Variants in ZNF366 observed in about 807,000 individuals in gnomAD.
The protein encoded by ZNF366 is dendritic cell-specific transcript protein.
Under a neutral mutation model 47.2 loss-of-function variants are expected in ZNF366, and 20 were observed. The observed-to-expected ratio is 0.42, with a 90% CI of 0.30 to 0.62. The LOEUF (loss-of-function observed/expected upper bound fraction) is 0.62, where lower values mean the gene tolerates loss of function less well. Ranked by LOEUF, ZNF366 falls within the 20% of genes least tolerant of loss-of-function variation. The pLI is 0.16. For synonymous variants in ZNF366, 421 were observed against 395.1 expected (o/e 1.07, Z -0.78); for missense variants, 987 against 976.3 (o/e 1.01, Z -0.15).
intron 1 of ZNF366, among the ~76,000 whole-genome samples, chr5:72,476,512 C>A (rs1743677808): frequency 6.6e-6 from 1 of 152,140 alleles, no homozygotes; most frequent in Admixed American, 6.5e-5. Context: ...GGAAAAAGCC[C>A]TATGACTTGC....
At chr5:72,449,799 A>G (rs1743029185) in intron 3 of ZNF366, among the ~76,000 whole-genome samples, 4 of 152,214 alleles carry the variant, frequency 2.6e-5, no homozygotes, top group Admixed American at 2.6e-4. Context: ...CTCAGTAAGC[A>G]TCTGCTGAGT....
intron 4 of ZNF366, among the ~76,000 whole-genome samples, chr5:72,444,853 A>G (rs1048935154): frequency 6.6e-6 from 1 of 152,236 alleles, no homozygotes; most frequent in Non-Finnish European, 1.5e-5. Context: ...CTATTAAAAA[A>G]TATTTGGAAG....
Position 72,460,608 on chromosome 5 carries a change from G to A in ZNF366, c.889C>T (p.His297Tyr). The A allele has an allele frequency of 6.2e-7, 1 of 1,614,154 alleles. No homozygotes were observed. ...CCCTGGTGGGTCAGCATGTGGGTAT[G>A]CAGGTGGCTGAGCTGCTTGAAGAGC... is the stretch of plus-strand genomic sequence containing the variant. ...GKLFKQLSHL[H>Y]THMLTHQGTR... The change falls in exon 2 of 5, where the codon CAT becomes TAT. Residue 297 changes from histidine to tyrosine, a missense_variant. This residue lies in a region of ZNF366 where 591 missense variants were observed against 560.9 expected (regional missense o/e 1.05). Transcript: ENST00000318442.
Position 72,461,310 on chromosome 5 carries a change from C to G in ZNF366, c.187G>C (p.Asp63His). ...AAGACCCCGGGGAACCCATCTAGGT[C>G]TCCTGGGGGAGGTTCATACCGAAAC... ...SQFRYEPPPG[D>H]LDGFPGVFEG... The change falls in exon 2 of 5, where the codon GAC (aspartate) becomes CAC (histidine). Residue 63 changes from aspartate (D) to histidine (H), a missense_variant. Around this residue, in one of 3 missense-constraint regions of ZNF366, gnomAD observed 591 missense variants for 560.9 expected, o/e 1.05. Coordinates refer to ENST00000318442, the MANE Select transcript of ZNF366 (RefSeq NM_152625.3). The G allele has an allele frequency of 6.2e-7, 1 of 1,614,086 alleles. No individual in the cohort carries two copies. Among genetic ancestry groups the G allele is most frequent in the Non-Finnish European group, 8.5e-7 (1 of 1,180,018 alleles).
At chr5:72,454,835 T>C (rs1259185815) in intron 3 of ZNF366, among the ~76,000 whole-genome samples, 1 of 151,872 alleles carries the variant, frequency 6.6e-6, no homozygotes, top group Non-Finnish European at 1.5e-5. Flanking sequence ...GGGAAGGAAA[T>C]GAAAGAAGTC....
rs766525180 is a variant in ZNF366 at position 72,443,976 on chromosome 5, T to G, written c.2015A>C (p.Lys672Thr). 6.2e-7 allele frequency: 1 copy of G among 1,614,182 alleles called. No homozygotes were observed. The highest frequency in any genetic ancestry group is 2.2e-5 in the East Asian group (1 of 44,874). The change falls in exon 5 of 5, where the codon AAG (lysine) becomes ACG (threonine). Residue 672 changes from lysine (K) to threonine (T), a missense_variant. Lys to Thr is a moderately conservative substitution (Grantham distance 78). Transcript: ENST00000318442. ...ACKEEKEDAS[K>T]GEWEKRSKGD... Reference sequence around the variant, plus strand: ...CTTGCTCCTCTTCTCCCATTCTCCCTTGGATGCATCCTCCTTCTCCTCCTT... The same window carrying G: ...CTTGCTCCTCTTCTCCCATTCTCCCGTGGATGCATCCTCCTTCTCCTCCTT...
chr5:72,475,652 T>C (rs1225846572), intron 1 of ZNF366, among the ~76,000 whole-genome samples: 1 of 152,250 alleles, frequency 6.6e-6, no homozygotes, highest in African/African-American at 2.4e-5. Flanking sequence ...CAATAGATGA[T>C]GCTGATAATA....
In ZNF366 at chr5:72,460,486, G is replaced by A; in HGVS notation, c.1011C>T (p.His337=). ...AGCCGCGGCCGCACACGCGGCAGTT[G>A]TGCGGCTTCACCTCGCTGTGCTGCA... ...HMMQHSEVKP[H]NCRVCGRGFA... Residue 337 remains histidine, a synonymous_variant, in exon 2 of 5, where the codon CAC becomes CAT. Transcript: ENST00000318442. 1 of 1,613,952 alleles carries A rather than the reference G, an allele frequency of 6.2e-7. No homozygotes were observed. Among genetic ancestry groups the A allele is most frequent in the South Asian group, 1.1e-5 (1 of 91,068 alleles).
intron 1 of ZNF366, among the ~76,000 whole-genome samples, chr5:72,488,650 C>T (rs1169636605): frequency 6.6e-6 from 1 of 152,170 alleles, no homozygotes; most frequent in African/African-American, 2.4e-5. Context: ...AATAGCTGAG[C>T]CACAGTGATT....
At chr5:72,465,932 G>A (rs909729344) in intron 1 of ZNF366, among the ~76,000 whole-genome samples, 5 of 152,300 alleles carry the variant, frequency 3.3e-5, no homozygotes, top group Admixed American at 3.3e-4. Flanking sequence ...TCCTCATAGG[G>A]TTGTTGGAAA....
chr5:72,499,039 T>C (rs1744162160), intron 1 of ZNF366, among the ~76,000 whole-genome samples: 1 of 151,926 alleles, frequency 6.6e-6, no homozygotes, highest in Non-Finnish European at 1.5e-5. Context: ...TCTGAACATA[T>C]GGAGGATGTG....
At chr5:72,467,362 A>C (rs1224934942) in intron 1 of ZNF366, among the ~76,000 whole-genome samples, 1 of 152,240 alleles carries the variant, frequency 6.6e-6, no homozygotes, top group East Asian at 1.9e-4. Flanking sequence ...GGAATGAATG[A>C]ATTTTAAAAC....
intron 1 of ZNF366, among the ~76,000 whole-genome samples, chr5:72,468,450 G>A (rs1021923753): frequency 3.9e-5 from 6 of 152,162 alleles, no homozygotes; most frequent in East Asian, 1.9e-4. Context: ...TTGTTCACAC[G>A]TGAAACAGCC....
rs1742981618 is a variant in ZNF366 at position 72,447,406 on chromosome 5, C to G, written c.1536G>C (p.Lys512Asn). 1.9e-6 allele frequency: 3 copies of G among 1,614,172 alleles called. No individual in the cohort carries two copies. Among genetic ancestry groups the G allele is most frequent in the Non-Finnish European group, 2.5e-6 (3 of 1,180,024 alleles). ...TCAGGTTGTGCATCCGGTTGAATTC[C>G]TTCCCACAAAGCTGTTGAAGATGGG... Reference protein sequence around the residue: ...VKPFKCKLCGKEFNRMHNLMG... With the variant: ...VKPFKCKLCGNEFNRMHNLMG... The change falls in exon 4 of 5, where the codon AAG (lysine) becomes AAC (asparagine). Residue 512 changes from lysine (K) to asparagine (N), a missense_variant. This residue lies in a region of ZNF366 where 111 missense variants were observed against 180.5 expected (regional missense o/e 0.61). Coordinates refer to ENST00000318442, the MANE Select transcript of ZNF366 (RefSeq NM_152625.3).
chr5:72,465,198 A>G (rs1364929373), intron 1 of ZNF366, among the ~76,000 whole-genome samples: 1 of 152,224 alleles, frequency 6.6e-6, no homozygotes, highest in African/African-American at 2.4e-5. Context: ...TACAGAGGTC[A>G]AGGAGAACTA....
intron 1 of ZNF366, among the ~76,000 whole-genome samples, chr5:72,479,760 T>G (rs886352229): frequency 1.3e-5 from 2 of 152,234 alleles, no homozygotes; most frequent in African/African-American, 4.8e-5. Context: ...CTGGCTTATT[T>G]AAGTTGCATG....
intron 3 of ZNF366, among the ~76,000 whole-genome samples, chr5:72,455,279 C>T (rs769783216): frequency 1.3e-5 from 2 of 152,134 alleles, no homozygotes; most frequent in Non-Finnish European, 2.9e-5. Context: ...AAGAAGTCAG[C>T]TTCACAGGGG....
intron 3 of ZNF366, among the ~76,000 whole-genome samples, chr5:72,454,417 G>A (rs541593125): frequency 6.6e-6 from 1 of 152,340 alleles, no homozygotes; most frequent in East Asian, 1.9e-4. Context: ...CCTGAGGGTA[G>A]AGAAGCAGAA....
In ZNF366 at chr5:72,461,118, G is replaced by C. The variant is rs1743301455; in HGVS notation, c.379C>G (p.Gln127Glu). 1.2e-6 allele frequency: 2 copies of C among 1,614,004 alleles called. No individual in the cohort carries two copies. Among genetic ancestry groups the C allele is most frequent in the African/African-American group, 2.7e-5 (2 of 74,896 alleles). The change falls in exon 2 of 5, where the codon CAG becomes GAG. Residue 127 changes from glutamine (Q) to glutamate (E), a missense_variant. Around this residue, in one of 3 missense-constraint regions of ZNF366, gnomAD observed 591 missense variants for 560.9 expected, o/e 1.05. Transcript: ENST00000318442. Reference sequence around the variant, plus strand: ...CCCACGTTGCACAGGTCGATCATCTGAGAGTCATACTTGGGGCGCGGGGGC... The same window carrying C: ...CCCACGTTGCACAGGTCGATCATCTCAGAGTCATACTTGGGGCGCGGGGGC... ...PQPPRPKYDSQMIDLCNVGFQ... is the reference protein window; with the variant it reads ...PQPPRPKYDSEMIDLCNVGFQ...
Sources: allele counts gnomAD v4.1 joint callset (sites outside exome capture counted in the v4.1 genomes callset), GRCh38; gene constraint gnomAD v4.1.1; regional missense constraint gnomAD v4.1.1; transcripts MANE v1.5; gene names NCBI Gene and HGNC (gene_info 2026-07-23, HGNC 2026-07-21).